The following SFMBT2 variants were observed in gnomAD, a reference collection of about 807,000 sequenced individuals.
SFMBT2 encodes Scm like with four mbt domains 2, also known as scm-like with four MBT domains protein 2.
SFMBT2 carries 38 observed loss-of-function variants against 110.1 expected under a neutral mutation model. The observed-to-expected ratio is 0.35, with a 90% CI of 0.27 to 0.45. SFMBT2 has a LOEUF of 0.45. Among genes scored for constraint, SFMBT2 ranks in the 20% least tolerant of loss-of-function variants. The pLI is 1.00. For missense variants in SFMBT2, 1,011 were observed against 1,094.9 expected (o/e 0.92, Z 1.08); for synonymous variants, 425 against 425.4 (o/e 1.00, Z 0.01).
At chr10:7,167,377 G>A (rs569049059) in intron 20 of SFMBT2, among the ~76,000 whole-genome samples, 9 of 152,204 alleles carry the variant, frequency 5.9e-5, no homozygotes, top group Non-Finnish European at 1.0e-4. Context: ...TTTTTTAAGC[G>A]GTTGCCATAA....
At chr10:7,409,118 T>C (rs1846302752) in intron 1 of SFMBT2, among the ~76,000 whole-genome samples, 1 of 148,296 alleles carries the variant, frequency 6.7e-6, no homozygotes, top group Admixed American at 6.6e-5. Flanking sequence ...ACTTTGGTCT[T>C]CTCCAAGCTT....
chr10:7,213,446 G>A (rs1299648223), intron 11 of SFMBT2, among the ~76,000 whole-genome samples: 1 of 152,188 alleles, frequency 6.6e-6, no homozygotes, highest in Middle Eastern at 3.4e-3. Flanking sequence ...GGTCCGGACT[G>A]AAGTGACTCA....
At chr10:7,387,519 A>G (rs949519821) in intron 1 of SFMBT2, among the ~76,000 whole-genome samples, 2 of 152,078 alleles carry the variant, frequency 1.3e-5, no homozygotes, top group African/African-American at 4.8e-5. Flanking sequence ...GAAGGACAAG[A>G]TGCAAATATC....
chr10:7,194,521 G>A (rs1348736939), intron 15 of SFMBT2, among the ~76,000 whole-genome samples: 2 of 152,144 alleles, frequency 1.3e-5, no homozygotes, highest in Non-Finnish European at 2.9e-5. Context: ...CACATAAAGT[G>A]TTCAAGTTCC....
chr10:7,366,846 G>A (rs931023335), intron 4 of SFMBT2, among the ~76,000 whole-genome samples: 5 of 152,180 alleles, frequency 3.3e-5, no homozygotes, highest in Admixed American at 2.6e-4. Flanking sequence ...CATTGCGGGG[G>A]TTTAGCATCA....
intron 1 of SFMBT2, among the ~76,000 whole-genome samples, chr10:7,386,088 T>C (rs975977916): frequency 1.3e-4 from 19 of 151,974 alleles, no homozygotes; most frequent in Non-Finnish European, 2.4e-4. Flanking sequence ...CAGGAAAAAA[T>C]AATAAAAAGC....
chr10:7,256,731 C>A (rs938297408), intron 7 of SFMBT2, among the ~76,000 whole-genome samples: 1 of 152,170 alleles, frequency 6.6e-6, no homozygotes, highest in African/African-American at 2.4e-5. Flanking sequence ...GTACACGTGG[C>A]TGGCTGCAAA....
intron 4 of SFMBT2, among the ~76,000 whole-genome samples, chr10:7,317,062 C>T (rs2131921436): frequency 6.6e-6 from 1 of 152,252 alleles, no homozygotes; most frequent in Middle Eastern, 3.4e-3. Flanking sequence ...GGTCGTGTCC[C>T]CCTCATCAGT....
chr10:7,206,775 A>G, intron 11 of SFMBT2: 1 of 796,480 alleles, frequency 1.3e-6, no homozygotes, highest in African/African-American at 1.9e-5. Context: ...ATTTGGAACT[A>G]GTTAAAAGAA....
intron 1 of SFMBT2, among the ~76,000 whole-genome samples, chr10:7,393,118 G>A (rs79180229): frequency 6.8e-5 from 10 of 147,538 alleles, no homozygotes; most frequent in East Asian, 6.1e-4. Flanking sequence ...CTCAACCTCC[G>A]CCTCCCAGTT....
At chr10:7,398,926 C>T (rs999501656) in intron 1 of SFMBT2, among the ~76,000 whole-genome samples, 1 of 152,204 alleles carries the variant, frequency 6.6e-6, no homozygotes, top group Non-Finnish European at 1.5e-5. Flanking sequence ...GTAAGCCAGA[C>T]ATGCATGGAT....
chr10:7,228,738 TTCTCTCTCTC>T lies in SFMBT2; in HGVS notation c.1121-811_1121-802del, dbSNP rs56871421. 5.2e-3 allele frequency among the ~76,000 whole-genome samples: 328 copies of T among 62,494 alleles called. 5 individuals carry two copies. Among genetic ancestry groups the T allele is most frequent in the Middle Eastern group, 7.4e-3 (1 of 136 alleles). 41.0% of individuals were successfully genotyped at this position (62,494 alleles called of 152,430 possible). On this transcript the variant is annotated intron_variant, in intron 9 of 20. Transcript: ENST00000397167. Reference sequence around the variant, plus strand: ...TTCTTTCTTTCTTTCTTTCTTTCCTTTCTCTCTCTCTCTCTCTCTCTCTCTCTCTCTCTCT... The same window carrying T: ...TTCTTTCTTTCTTTCTTTCTTTCCTTTCTCTCTCTCTCTCTCTCTCTCTCT...
intron 6 of SFMBT2, among the ~76,000 whole-genome samples, chr10:7,282,101 G>A (rs1293727602): frequency 6.6e-6 from 1 of 152,080 alleles, no homozygotes; most frequent in Non-Finnish European, 1.5e-5. Context: ...ATCATGCCCT[G>A]CCTGTTCCAG....
At chr10:7,380,665 A>T (rs1488847307) in intron 2 of SFMBT2, among the ~76,000 whole-genome samples, 1 of 144,036 alleles carries the variant, frequency 6.9e-6, no homozygotes, top group Non-Finnish European at 1.5e-5. Flanking sequence ...TTTTTTTTTT[A>T]AAGGTATCCT....
At chr10:7,385,841 T>C (rs528294574) in intron 1 of SFMBT2, among the ~76,000 whole-genome samples, 2 of 152,022 alleles carry the variant, frequency 1.3e-5, no homozygotes, top group Admixed American at 6.5e-5. Flanking sequence ...CTACTAAAAA[T>C]ACAAAAAAAT....
At chr10:7,372,929 CA>C (rs1285130535) in intron 2 of SFMBT2, among the ~76,000 whole-genome samples, 14 of 152,254 alleles carry the variant, frequency 9.2e-5, no homozygotes, top group Non-Finnish European at 5.9e-5. Context: ...TCCAGCTCTA[CA>C]AAGCAGCCAC....
At chr10:7,233,861 A>G (rs1840180004) in intron 9 of SFMBT2, among the ~76,000 whole-genome samples, 1 of 152,210 alleles carries the variant, frequency 6.6e-6, no homozygotes, top group Non-Finnish European at 1.5e-5. Flanking sequence ...CCTGGCAGGG[A>G]GGCAAGATTG....
intron 16 of SFMBT2, chr10:7,176,411 A>G (rs1838055664): frequency 1.1e-6 from 1 of 907,976 alleles, no homozygotes; most frequent in African/African-American, 1.8e-5. Flanking sequence ...CACATGTAGC[A>G]CACCTTCATT....
intron 4 of SFMBT2, among the ~76,000 whole-genome samples, chr10:7,313,313 A>T (rs1842906743): frequency 6.6e-6 from 1 of 152,150 alleles, no homozygotes; most frequent in Non-Finnish European, 1.5e-5. Context: ...ATAATATTCA[A>T]CATTGACTAA....
Sources: gnomAD v4.1 joint callset for allele counts (sites outside exome capture counted in the v4.1 genomes callset) on GRCh38, gnomAD v4.1.1 for gene constraint, MANE v1.5 for transcripts, NCBI Gene and HGNC (gene_info 2026-07-23, HGNC 2026-07-21) for gene names.